CNTNAP3B: variants seen among roughly 807,000 people sequenced by gnomAD.
CNTNAP3B encodes contactin-associated protein-like 3B.
A neutral mutation model predicts 108.9 loss-of-function variants in CNTNAP3B; 25 were observed. The ratio of observed to expected loss-of-function variants is 0.23; its 90% CI spans 0.17 to 0.32. CNTNAP3B has a LOEUF of 0.32. CNTNAP3B is among the 10% of genes least tolerant of loss of function. The pLI, the probability that CNTNAP3B is intolerant of heterozygous loss-of-function variation, is 1.00. For synonymous variants in CNTNAP3B, 103 were observed against 473.4 expected, an observed-to-expected ratio of 0.22 and a Z score of 10.16; for missense variants, 252 against 1,210.4, an observed-to-expected ratio of 0.21 and a Z score of 11.75.
At chr9:42,049,413 ATT>A (rs1013758688) in intron 3 of CNTNAP3B, among the ~76,000 whole-genome samples, 1 of 133,624 alleles carries the variant, frequency 7.5e-6, no homozygotes, top group Non-Finnish European at 1.6e-5. Flanking sequence ...TCTTTTGCCA[ATT>A]TGTTAGCATT....
At chr9:41,960,218 T>A (rs558722874) in intron 12 of CNTNAP3B, 1 of 165,336 alleles carries the variant, frequency 6.0e-6, no homozygotes, top group African/African-American at 2.4e-5. Context: ...CAGGATGGTC[T>A]CGATCTCTCG....
At chr9:41,933,041 T>A (rs1437510132) in intron 14 of CNTNAP3B, among the ~76,000 whole-genome samples, 2 of 152,310 alleles carry the variant, frequency 1.3e-5, no homozygotes, top group Non-Finnish European at 1.5e-5. Flanking sequence ...ATCTTGCTTA[T>A]CCTTTCATCC....
chr9:41,919,695 G>A (rs1331813161), intron 18 of CNTNAP3B, among the ~76,000 whole-genome samples: 2 of 152,092 alleles, frequency 1.3e-5, no homozygotes, highest in Non-Finnish European at 2.9e-5. Context: ...GGGCAACAGA[G>A]AGGCTTGAAT....
At chr9:41,919,604 C>T (rs1463435388) in intron 18 of CNTNAP3B, among the ~76,000 whole-genome samples, 1 of 152,300 alleles carries the variant, frequency 6.6e-6, no homozygotes, top group Non-Finnish European at 1.5e-5. Context: ...TCTATAAAGG[C>T]CTTTTGAATC....
intron 15 of CNTNAP3B, among the ~76,000 whole-genome samples, chr9:41,924,678 C>CACACACACAT (rs1823763338): frequency 0.012 from 1,414 of 119,912 alleles, 13 homozygotes; most frequent in Middle Eastern, 0.017. Flanking sequence ...CACACACACA[C>CACACACACAT]ACACACACAC....
intron 11 of CNTNAP3B, among the ~76,000 whole-genome samples, chr9:41,963,903 A>T (rs1341819318): frequency 6.6e-6 from 1 of 152,312 alleles, no homozygotes; most frequent in East Asian, 1.9e-4. Flanking sequence ...TATGCAAAGC[A>T]ATAGCAGAGG....
chr9:42,095,046 T>A (rs1827872535), intron 2 of CNTNAP3B, among the ~76,000 whole-genome samples: 1 of 51,704 alleles, frequency 1.9e-5, no homozygotes. Flanking sequence ...GTTAAAATTC[T>A]CTCATATATT....
intron 10 of CNTNAP3B, among the ~76,000 whole-genome samples, chr9:41,967,778 C>T (rs536228923): frequency 5.0e-4 from 76 of 152,378 alleles, no homozygotes; most frequent in Middle Eastern, 3.4e-3. Context: ...TAGTCTTCTA[C>T]GTTACTGACT....
intron 12 of CNTNAP3B, among the ~76,000 whole-genome samples, chr9:41,956,075 A>G (rs1303416074): frequency 6.6e-6 from 1 of 152,256 alleles, no homozygotes; most frequent in Non-Finnish European, 1.5e-5. Context: ...CTGTACTGAG[A>G]GTAAAAAAAA....
chr9:41,917,414 A>C (rs1823543838), intron 18 of CNTNAP3B, among the ~76,000 whole-genome samples: 3 of 141,120 alleles, frequency 2.1e-5, no homozygotes, highest in Non-Finnish European at 4.6e-5. Context: ...CTCTGTTCCA[A>C]ATAGAAATCA....
chr9:41,991,982 T>A, intron 7 of CNTNAP3B, 111 bp from the exon 8 acceptor site: 1 of 639,548 alleles, frequency 1.6e-6, no homozygotes, highest in Non-Finnish European at 2.7e-6. Flanking sequence ...CCAGGATTAG[T>A]CTGCCTGCTA....
intron 12 of CNTNAP3B, among the ~76,000 whole-genome samples, chr9:41,957,742 TTTTG>T (rs373527189): frequency 8.5e-5 from 13 of 152,370 alleles, no homozygotes; most frequent in African/African-American, 1.4e-4. Context: ...TGACTCTGGT[TTTTG>T]TTTGTTTGTT....
intron 8 of CNTNAP3B, among the ~76,000 whole-genome samples, chr9:41,990,686 C>T (rs1256062446): frequency 7.4e-6 from 1 of 135,360 alleles, no homozygotes; most frequent in Admixed American, 7.6e-5. Flanking sequence ...TTAAAGCCCC[C>T]ATTTAGTTCC....
intron 3 of CNTNAP3B, among the ~76,000 whole-genome samples, chr9:42,054,430 C>T (rs1350219737): frequency 4.0e-5 from 6 of 151,258 alleles, no homozygotes; most frequent in South Asian, 2.1e-4. Flanking sequence ...AGCACATTCA[C>T]GAGGTTCAGC....
At chr9:42,070,738 C>T (rs1257795661) in intron 3 of CNTNAP3B, among the ~76,000 whole-genome samples, 1 of 152,166 alleles carries the variant, frequency 6.6e-6, no homozygotes, top group Non-Finnish European at 1.5e-5. Context: ...GGCAGATCTC[C>T]AACCTCTGAC....
chr9:41,963,900 AG>A (rs1315955168), intron 11 of CNTNAP3B, among the ~76,000 whole-genome samples: 1 of 152,310 alleles, frequency 6.6e-6, no homozygotes, highest in African/African-American at 2.4e-5. Flanking sequence ...ATATATGCAA[AG>A]CAATAGCAGA....
In CNTNAP3B at chr9:42,127,138, T is replaced by A. The variant is rs1256656011; in HGVS notation, c.85+1872A>T. On this transcript the variant is annotated intron_variant, in intron 1 of 23. Transcript: ENST00000377561. The stretch of plus-strand genomic sequence containing the variant: ...TAAAATTTATTAGATATGAGGATAC[T>A]AAGTTTCATCAACGAAAGAAGACTG... 7.9e-5 allele frequency among the ~76,000 whole-genome samples: 11 copies of A among 138,746 alleles called. 2 individuals carry two copies. The highest frequency in any genetic ancestry group is 1.2e-4 in the African/African-American group (4 of 34,736). 91.0% of individuals were successfully genotyped at this position (138,746 alleles called of 152,430 possible).
rs1229278835 is a variant in CNTNAP3B at position 41,957,915 on chromosome 9, T to G, written c.1876+2858A>C. Among the ~76,000 whole-genome samples the G allele has an allele frequency of 4.6e-4, 70 of 151,674 alleles. No individual in the cohort carries two copies. The South Asian group carries it at 0.012, about 27-fold the overall frequency. On this transcript the variant is annotated intron_variant, in intron 12 of 23. Coordinates refer to ENST00000377561, the MANE Select transcript of CNTNAP3B (RefSeq NM_001201380.3). The stretch of plus-strand genomic sequence containing the variant: ...AGCTGGGACTACAGGCACCCGCCAC[T>G]ACGCCCGGCTAATTTTGTTTGTATT...
At chr9:41,939,635 C>T (rs1321225123) in intron 13 of CNTNAP3B, among the ~76,000 whole-genome samples, 2 of 152,284 alleles carry the variant, frequency 1.3e-5, no homozygotes, top group African/African-American at 2.4e-5. Flanking sequence ...ACACTCTTCT[C>T]GGAATGCCAC....
Sources: gnomAD v4.1 joint callset for allele counts (sites outside exome capture counted in the v4.1 genomes callset) on GRCh38, gnomAD v4.1.1 for gene constraint, MANE v1.5 for transcripts, NCBI Gene and HGNC (gene_info 2026-07-23, HGNC 2026-07-21) for gene names.